SYNE2: variants seen among roughly 807,000 people sequenced by gnomAD.
SYNE2 encodes the protein nesprin-2.
Under a neutral mutation model 856.3 loss-of-function variants are expected in SYNE2, and 431 were observed. The observed-to-expected ratio is 0.50, with a 90% confidence interval of 0.47 to 0.55. SYNE2 has a LOEUF of 0.55. SYNE2 is among the 20% of genes least tolerant of loss of function. The probability of loss-of-function intolerance (pLI) is 0.00; values close to 1 mark genes in which losing one functional copy is unlikely to be tolerated. For synonymous variants in SYNE2, 2,923 were observed against 2,872.3 expected, an observed-to-expected ratio of 1.02 and a Z score of -0.56; for missense variants, 8,129 against 8,023.2, an observed-to-expected ratio of 1.01 and a Z score of -0.50.
chr14:63,792,197 A>C (rs1380042572), intron 1 of SYNE2, among the ~76,000 whole-genome samples: 1 of 152,206 alleles, frequency 6.6e-6, no homozygotes, highest in Non-Finnish European at 1.5e-5. Flanking sequence ...GTTCAATTAC[A>C]TGCTGTCCAT....
At chr14:63,825,641 AG>A (rs1889399924) in intron 1 of SYNE2, among the ~76,000 whole-genome samples, 1 of 152,194 alleles carries the variant, frequency 6.6e-6, no homozygotes, top group South Asian at 2.1e-4. Flanking sequence ...TGGGAGGCCG[AG>A]GCAGATGGAT....
intron 96 of SYNE2, among the ~76,000 whole-genome samples, chr14:64,180,308 CTGGGTCTTTGATCTTCCGTAACTT>C (rs2098452178): frequency 6.6e-6 from 1 of 152,138 alleles, no homozygotes; most frequent in Non-Finnish European, 1.5e-5. Flanking sequence ...TTGGATGTCC[CTGGGTCTTTGATCTTCCGTAACTT>C]TGAGGAACAG....
rs1555393662 is a variant in SYNE2 at position 63,948,770 on chromosome 14, G to GTGTGTATATATA, written c.409-1054_409-1053insGTGTATATATAT. Among the ~76,000 whole-genome samples, 430 of 79,700 alleles carry GTGTGTATATATA rather than the reference G, an allele frequency of 5.4e-3. 17 individuals carry two copies. Among genetic ancestry groups the GTGTGTATATATA allele is most frequent in the Middle Eastern group, 0.023 (3 of 130 alleles). The allele number at this position is 79,700 out of a possible 152,430, so 52.3% of individuals were successfully genotyped here. The stretch of plus-strand genomic sequence containing the variant: ...TGTGTGTATATATATGTATATATAT[G>GTGTGTATATATA]TATGTGTGTGTGTATATATATATAT... On this transcript the variant is annotated intron_variant, in intron 6 of 115. Transcript: ENST00000555002.
chr14:64,206,312 C>T (rs1406660943), intron 100 of SYNE2, among the ~76,000 whole-genome samples: 1 of 152,196 alleles, frequency 6.6e-6, no homozygotes, highest in Non-Finnish European at 1.5e-5. Flanking sequence ...CACTTTTTCT[C>T]TAGGTTTGGA....
Position 63,997,302 on chromosome 14 carries a change from G to A in SYNE2, c.3154G>A (p.Gly1052Arg). ...PTAGGTSKNEGTITTSENRGG... is the reference protein window; with the variant it reads ...PTAGGTSKNERTITTSENRGG... ...CATGCAATTTTGATTCCTTTCTAGG[G>A]GGACCATCACCACATCTGAGAATAG... The change falls in exon 25 of 116, where the codon GGG (glycine) becomes AGG (arginine). Residue 1052 changes from glycine to arginine, a missense_variant and splice_region_variant. Coordinates refer to ENST00000555002, the MANE Select transcript of SYNE2 (RefSeq NM_182914.3). 6.2e-7 allele frequency: 1 copy of A among 1,612,854 alleles called. No individual in the cohort carries two copies. The highest frequency in any genetic ancestry group is 8.5e-7 in the Non-Finnish European group (1 of 1,179,490).
At chr14:63,832,979 T>C (rs1167720390) in intron 1 of SYNE2, among the ~76,000 whole-genome samples, 1 of 151,534 alleles carries the variant, frequency 6.6e-6, no homozygotes, top group Non-Finnish European at 1.5e-5. Context: ...ATCACTCCAC[T>C]GCACTCCAGC....
At position 64,098,030 on chromosome 14, in the gene SYNE2, G is replaced by T; in HGVS notation, c.12190G>T (p.Val4064Leu). The T allele has an allele frequency of 1.2e-6, 2 of 1,614,190 alleles. No homozygotes were observed. The highest frequency in any genetic ancestry group is 1.7e-6 in the Non-Finnish European group (2 of 1,180,016). The change falls in exon 62 of 116, where the codon GTA (valine) becomes TTA (leucine). Residue 4064 changes from valine (V) to leucine (L), a missense_variant. Around this residue, in one of 3 missense-constraint regions of SYNE2, gnomAD observed 5,410 missense variants for 5,284.8 expected, o/e 1.02. Coordinates refer to ENST00000555002, the MANE Select transcript of SYNE2 (RefSeq NM_182914.3). ...CCTGTTGGTGGACTTGAAGGCCACC[G>T]TACTAAACCTTCACCAGCATTTGAA... ...EDLLVDLKAT[V>L]LNLHQHLKQE...
chr14:63,771,661 G>C (rs1245007447), intron 1 of SYNE2, among the ~76,000 whole-genome samples: 1 of 152,144 alleles, frequency 6.6e-6, no homozygotes, highest in Non-Finnish European at 1.5e-5. Context: ...TATTTTGGGA[G>C]GCTGAGGTGG....
intron 1 of SYNE2, among the ~76,000 whole-genome samples, chr14:63,890,198 G>A (rs1595462020): frequency 3.3e-5 from 5 of 151,996 alleles, no homozygotes; most frequent in Admixed American, 3.3e-4. Flanking sequence ...AAGTAGCTGG[G>A]ACTACAGGCG....
chr14:64,186,293 A>T, intron 96 of SYNE2, 131 bp from the exon 97 acceptor site: 3 of 1,207,672 alleles, frequency 2.5e-6, no homozygotes, highest in South Asian at 2.5e-5. Flanking sequence ...GCTGTTTCCC[A>T]TTCAGAAGGT....
At chr14:63,833,405 C>A (rs112995866) in intron 1 of SYNE2, among the ~76,000 whole-genome samples, 1 of 151,890 alleles carries the variant, frequency 6.6e-6, no homozygotes, top group Non-Finnish European at 1.5e-5. Flanking sequence ...ATATATGTGA[C>A]GACAGATTCT....
chr14:63,997,230 C>A lies in SYNE2; in HGVS notation c.3153-71C>A, dbSNP rs569356292. On this transcript the variant is annotated intron_variant, in intron 24 of 115. Coordinates refer to ENST00000555002, the MANE Select transcript of SYNE2 (RefSeq NM_182914.3). ...TTTTGCACGATCAAATGACATTAAG[C>A]GTTAGTCATGCTTGTTTAGGTTTCA... 1.9e-6 allele frequency: 3 copies of A among 1,578,024 alleles called. No homozygotes were observed. The African/African-American group carries it at 4.0e-5, about 21-fold the overall frequency.
In SYNE2 at chr14:64,219,188, T is replaced by G; in HGVS notation, c.19658-20T>G. The G allele has an allele frequency of 6.2e-7, 1 of 1,612,430 alleles. No individual in the cohort carries two copies. Among genetic ancestry groups the G allele is most frequent in the Admixed American group, 1.7e-5 (1 of 59,916 alleles). On this transcript the variant is annotated intron_variant, in intron 109 of 115. Coordinates refer to ENST00000555002, the MANE Select transcript of SYNE2 (RefSeq NM_182914.3). ...CTGTTGCATTATTGCTTTTTTTAAT[T>G]GGCGATTTTTTAATTCCAGGTGCCT...
At chr14:63,872,768 A>G (rs1470302698) in intron 1 of SYNE2, among the ~76,000 whole-genome samples, 2 of 151,556 alleles carry the variant, frequency 1.3e-5, no homozygotes, top group Admixed American at 1.3e-4. Context: ...CCTCAAAAAA[A>G]AAAAAAAAAA....
At chr14:63,977,809 T>C in intron 12 of SYNE2, 96 bp from the exon 13 acceptor site, 1 of 878,764 alleles carries the variant, frequency 1.1e-6, no homozygotes, top group East Asian at 2.6e-5. Flanking sequence ...TATGATTTTT[T>C]TTTGAAAAAA....
intron 32 of SYNE2, 54 bp downstream of exon 32, chr14:64,010,170 G>A (rs2096832546): frequency 6.5e-7 from 1 of 1,540,024 alleles, no homozygotes; most frequent in Non-Finnish European, 8.9e-7. Context: ...TGACAGGCCT[G>A]GTAGTAAAGA....
chr14:63,929,769 C>CAAAA (rs34496182), intron 2 of SYNE2, among the ~76,000 whole-genome samples: 60 of 127,088 alleles, frequency 4.7e-4, no homozygotes, highest in Admixed American at 3.0e-3. Context: ...GAAACTGTCT[C>CAAAA]AAAAAAAAAA....
chr14:63,778,481 AC>A (rs1436566206), intron 1 of SYNE2, among the ~76,000 whole-genome samples: 1 of 152,144 alleles, frequency 6.6e-6, no homozygotes, highest in Non-Finnish European at 1.5e-5. Context: ...ATCAATATAT[AC>A]AACTTTTAAT....
chr14:64,028,481 C>T (rs906244976), intron 43 of SYNE2, among the ~76,000 whole-genome samples: 1 of 152,100 alleles, frequency 6.6e-6, no homozygotes, highest in Admixed American at 6.5e-5. Context: ...TCTAGACCTC[C>T]TGGCCTTATA....
Sources: gnomAD v4.1 joint callset for allele counts (sites outside exome capture counted in the v4.1 genomes callset) on GRCh38, gnomAD v4.1.1 for gene constraint, gnomAD v4.1.1 regional missense constraint, MANE v1.5 for transcripts, NCBI Gene and HGNC (gene_info 2026-07-23, HGNC 2026-07-21) for gene names.